The following EXOC6 variants were observed in gnomAD, a reference collection of about 807,000 sequenced individuals.
EXOC6 encodes SEC15-like 1.
In EXOC6, 60 loss-of-function variants were observed where a neutral mutation model predicts 112.5. The ratio of observed to expected loss-of-function variants is 0.53; its 90% confidence interval spans 0.43 to 0.66. EXOC6 has a LOEUF of 0.66. Ranked by LOEUF, EXOC6 falls within the 30% of genes least tolerant of loss-of-function variation. The probability of loss-of-function intolerance (pLI) is 0.00; values close to 1 mark genes in which losing one functional copy is unlikely to be tolerated. For synonymous variants in EXOC6, 295 were observed against 308.0 expected (o/e 0.96, Z 0.44); for missense variants, 855 against 957.1 (o/e 0.89, Z 1.41).
chr10:92,863,756 CA>C (rs531061207), intron 1 of EXOC6, among the ~76,000 whole-genome samples: 1 of 150,196 alleles, frequency 6.7e-6, no homozygotes, highest in South Asian at 2.1e-4. Context: ...ACTAAAAATA[CA>C]AAAAAAAATT....
At chr10:92,906,542 A>G (rs951501036) in intron 5 of EXOC6, among the ~76,000 whole-genome samples, 3 of 152,196 alleles carry the variant, frequency 2.0e-5, no homozygotes, top group South Asian at 4.1e-4. Flanking sequence ...AGTATCTTGT[A>G]TTTATAAAAA....
intron 14 of EXOC6, among the ~76,000 whole-genome samples, chr10:92,950,622 T>TA (rs200781100): frequency 0.012 from 1,772 of 152,248 alleles, 110 homozygotes; most frequent in Admixed American, 0.1. Flanking sequence ...AAAGGCTGCA[T>TA]AAAGGTCAAA....
At chr10:92,971,287 AC>A (rs1418252544) in intron 17 of EXOC6, among the ~76,000 whole-genome samples, 2 of 151,492 alleles carry the variant, frequency 1.3e-5, no homozygotes, top group Non-Finnish European at 2.9e-5. Context: ...CCCGTGATTC[AC>A]CCGCCTTGGC....
At chr10:92,914,498 G>T (rs1308415632) in intron 6 of EXOC6, among the ~76,000 whole-genome samples, 1 of 152,106 alleles carries the variant, frequency 6.6e-6, no homozygotes, top group Non-Finnish European at 1.5e-5. Context: ...TGTTTTTACT[G>T]TGTGAATTGT....
intron 17 of EXOC6, among the ~76,000 whole-genome samples, chr10:92,960,294 T>C (rs780814019): frequency 1.3e-5 from 2 of 152,158 alleles, no homozygotes; most frequent in Admixed American, 6.6e-5. Flanking sequence ...CTATGTGACA[T>C]TCTGGAAAAG....
Position 92,858,350 on chromosome 10 carries a change from A to G in EXOC6, c.101+9716A>G, listed in dbSNP as rs376793194. Among the ~76,000 whole-genome samples, 9 of 152,170 alleles carry G rather than the reference A, an allele frequency of 5.9e-5. No individual in the cohort carries two copies. In the East Asian group the frequency reaches 1.5e-3, roughly 26 times the overall value. On this transcript the variant is annotated intron_variant, in intron 1 of 21. Transcript: ENST00000260762. The stretch of plus-strand genomic sequence containing the variant: ...TTCTCTACTTTGGTGCTCCCATCTC[A>G]TGTATGCTGGTGTGCTTAATGATGT...
chr10:93,041,187 A>G (rs1026008400), intron 20 of EXOC6, among the ~76,000 whole-genome samples: 7 of 151,892 alleles, frequency 4.6e-5, no homozygotes, highest in Non-Finnish European at 7.4e-5. Flanking sequence ...TCTCCTAAGT[A>G]TTTCTCAAAC....
At chr10:93,029,911 C>CTT (rs202117289) in intron 20 of EXOC6, among the ~76,000 whole-genome samples, 2 of 141,508 alleles carry the variant, frequency 1.4e-5, no homozygotes, top group Admixed American at 7.1e-5. Flanking sequence ...TTTCTTTTTT[C>CTT]TTTTTTTTTT....
At chr10:93,001,066 A>G (rs905774561) in intron 19 of EXOC6, among the ~76,000 whole-genome samples, 4 of 152,174 alleles carry the variant, frequency 2.6e-5, no homozygotes, top group Non-Finnish European at 5.9e-5. Flanking sequence ...TGCTTTCTGC[A>G]TATTAGAGCA....
chr10:92,941,398 T>TAC (rs1208344395), intron 13 of EXOC6, among the ~76,000 whole-genome samples: 1 of 152,234 alleles, frequency 6.6e-6, no homozygotes, highest in African/African-American at 2.4e-5. Context: ...GAGTACAGTA[T>TAC]ACATATATCT....
At chr10:92,959,000 A>G (rs865833962) in intron 17 of EXOC6, among the ~76,000 whole-genome samples, 3 of 152,148 alleles carry the variant, frequency 2.0e-5, no homozygotes, top group Non-Finnish European at 2.9e-5. Flanking sequence ...AGGCTGAGGC[A>G]GGAGAATCGC....
At chr10:92,990,248 CT>C (rs1843174739) in intron 18 of EXOC6, among the ~76,000 whole-genome samples, 1 of 151,958 alleles carries the variant, frequency 6.6e-6, no homozygotes, top group South Asian at 2.1e-4. Flanking sequence ...AACTTTAATC[CT>C]TTTAGACATT....
At chr10:92,924,012 G>C (rs537494741) in intron 8 of EXOC6, among the ~76,000 whole-genome samples, 13 of 152,166 alleles carry the variant, frequency 8.5e-5, no homozygotes, top group Non-Finnish European at 1.3e-4. Context: ...TTCTGTTAAG[G>C]GTAAATCATA....
Position 92,909,995 on chromosome 10 carries a change from C to T in EXOC6, c.663+364C>T, listed in dbSNP as rs546894627. On this transcript the variant is annotated intron_variant, in intron 6 of 21. Transcript: ENST00000260762. ...TTTTATGCTAAGATTCTAAACTGTT[C>T]TCTATTTAAAACAAATTAAAAGTAT... Among the ~76,000 whole-genome samples the T allele has an allele frequency of 5.3e-5, 8 of 152,294 alleles. No homozygotes were observed. The East Asian group carries it at 1.5e-3, about 29-fold the overall frequency.
At chr10:93,032,748 T>TAAATA (rs1845328510) in intron 20 of EXOC6, among the ~76,000 whole-genome samples, 2 of 152,162 alleles carry the variant, frequency 1.3e-5, no homozygotes, top group Non-Finnish European at 2.9e-5. Flanking sequence ...AGTGCTAATT[T>TAAATA]AAATAGTTTT....
At chr10:92,845,364 C>G (rs1050748800), upstream of EXOC6, among the ~76,000 whole-genome samples, 1 of 151,830 alleles carries the variant, frequency 6.6e-6, no homozygotes, top group South Asian at 2.1e-4. Flanking sequence ...ACCAGCCTGG[C>G]CAACATGGTG....
intron 17 of EXOC6, among the ~76,000 whole-genome samples, chr10:92,967,433 A>G (rs979392856): frequency 9.9e-5 from 15 of 152,068 alleles, no homozygotes; most frequent in African/African-American, 3.6e-4. Flanking sequence ...ATTGTCCCAT[A>G]TTGCTTTTTT....
intron 7 of EXOC6, among the ~76,000 whole-genome samples, chr10:92,917,326 A>G (rs1851146616): frequency 1.3e-5 from 2 of 151,762 alleles, no homozygotes; most frequent in South Asian, 4.2e-4. Flanking sequence ...TTTATTTCGT[A>G]ATGTCTTGTC....
chr10:92,938,979 A>G (rs1279340629), intron 12 of EXOC6, among the ~76,000 whole-genome samples: 1 of 152,144 alleles, frequency 6.6e-6, no homozygotes, highest in African/African-American at 2.4e-5. Flanking sequence ...GAAAAATAGC[A>G]TGTGTAAACT....
Sources: gnomAD v4.1 joint callset for allele counts (sites outside exome capture counted in the v4.1 genomes callset) on GRCh38, gnomAD v4.1.1 for gene constraint, MANE v1.5 for transcripts, NCBI Gene and HGNC (gene_info 2026-07-23, HGNC 2026-07-21) for gene names.